The following KHDRBS2 variants were observed in gnomAD, a reference collection of about 807,000 sequenced individuals.
KHDRBS2 encodes the protein KH RNA binding domain containing, signal transduction associated 2.
In KHDRBS2, 26 loss-of-function variants were observed where a neutral mutation model predicts 44.3. The observed-to-expected ratio is 0.59, with a 90% CI of 0.43 to 0.81. The LOEUF (loss-of-function observed/expected upper bound fraction) is 0.81, where lower values mean the gene tolerates loss of function less well. Ranked by LOEUF, KHDRBS2 falls within the 40% of genes least tolerant of loss-of-function variation. The pLI, the probability that KHDRBS2 is intolerant of heterozygous loss-of-function variation, is 0.00. For missense variants in KHDRBS2, 476 were observed against 433.1 expected (o/e 1.10, Z -0.88); for synonymous variants, 194 against 151.1 (o/e 1.28, Z -2.08).
chr6:62,192,715 A>G (rs1188704040), intron 1 of KHDRBS2, among the ~76,000 whole-genome samples: 1 of 152,162 alleles, frequency 6.6e-6, no homozygotes, highest in African/African-American at 2.4e-5. Flanking sequence ...CCTGCTTCAC[A>G]TACATCTTGC....
chr6:61,909,049 G>A lies in KHDRBS2; in HGVS notation c.484-7678C>T, dbSNP rs549613716. Among the ~76,000 whole-genome samples the A allele has an allele frequency of 3.9e-5, 6 of 151,974 alleles. No individual in the cohort carries two copies. The South Asian group carries it at 1.2e-3, about 32-fold the overall frequency. ...TAAAGAATCTACTGGGGCTTAAATA[G>A]CACATGCGTATCATATATAGATTTT... On this transcript the variant is annotated intron_variant, in intron 4 of 8. Transcript: ENST00000281156.
At chr6:62,233,153 G>A (rs1833156456) in intron 1 of KHDRBS2, among the ~76,000 whole-genome samples, 1 of 152,156 alleles carries the variant, frequency 6.6e-6, no homozygotes, top group Admixed American at 6.6e-5. Flanking sequence ...GAACTACAGA[G>A]CTGTGTGAAG....
intron 3 of KHDRBS2, among the ~76,000 whole-genome samples, chr6:61,989,658 T>C (rs1775751617): frequency 1.3e-5 from 2 of 152,196 alleles, no homozygotes; most frequent in African/African-American, 4.8e-5. Context: ...CTAATAAAAG[T>C]GTTCACTTTC....
chr6:61,849,448 G>C (rs1010700329), intron 6 of KHDRBS2, among the ~76,000 whole-genome samples: 2 of 151,842 alleles, frequency 1.3e-5, no homozygotes, highest in African/African-American at 2.4e-5. Flanking sequence ...ATGCTATTTT[G>C]AAACATCTAC....
the KHDRBS2 span, among the ~76,000 whole-genome samples, chr6:61,557,421 G>A: frequency 6.6e-6 from 1 of 152,122 alleles, no homozygotes; most frequent in Admixed American, 6.5e-5. Flanking sequence ...TCAGACAGAA[G>A]GCTGTAAAAC....
chr6:61,838,244 T>C (rs2127268981), intron 6 of KHDRBS2, among the ~76,000 whole-genome samples: 1 of 152,156 alleles, frequency 6.6e-6, no homozygotes, highest in South Asian at 2.1e-4. Context: ...AAAGCTTGTG[T>C]TGTTAAACAT....
At chr6:62,083,173 A>C (rs1797735725) in intron 2 of KHDRBS2, among the ~76,000 whole-genome samples, 2 of 115,120 alleles carry the variant, frequency 1.7e-5, no homozygotes, top group African/African-American at 2.9e-5. Flanking sequence ...CTTCACTGGG[A>C]GAGGGCAGAG....
At chr6:61,751,365 G>T (rs1777666073) in intron 6 of KHDRBS2, among the ~76,000 whole-genome samples, 1 of 152,086 alleles carries the variant, frequency 6.6e-6, no homozygotes, top group Non-Finnish European at 1.5e-5. Flanking sequence ...CTGGCAAAGG[G>T]GTTCATCCGT....
intron 4 of KHDRBS2, among the ~76,000 whole-genome samples, chr6:61,911,282 G>A (rs763952574): frequency 5.2e-4 from 79 of 152,178 alleles, no homozygotes; most frequent in Middle Eastern, 3.4e-3. Flanking sequence ...TAAATAAATC[G>A]TCCTTTTATG....
At chr6:62,248,516 G>A (rs910410333) in intron 1 of KHDRBS2, among the ~76,000 whole-genome samples, 2 of 151,676 alleles carry the variant, frequency 1.3e-5, no homozygotes, top group African/African-American at 4.8e-5. Flanking sequence ...GCACCACCAC[G>A]TCCAGCTAAT....
chr6:62,063,309 G>A (rs1204482058), intron 2 of KHDRBS2, among the ~76,000 whole-genome samples: 11 of 150,378 alleles, frequency 7.3e-5, no homozygotes, highest in East Asian at 4.0e-4. Context: ...TACCAAAGCC[G>A]GGCAGAGACA....
chr6:61,546,550 C>A, the KHDRBS2 span, among the ~76,000 whole-genome samples: 1 of 152,018 alleles, frequency 6.6e-6, no homozygotes, highest in African/African-American at 2.4e-5. Flanking sequence ...TCTTCAATTT[C>A]TAAAGACACC....
intron 1 of KHDRBS2, among the ~76,000 whole-genome samples, chr6:62,252,897 C>T (rs935387230): frequency 5.9e-5 from 9 of 151,862 alleles, no homozygotes; most frequent in African/African-American, 2.2e-4. Context: ...GTAAAACCCA[C>T]AAAATAGAAA....
At chr6:61,999,238 C>T (rs138039026) in intron 3 of KHDRBS2, among the ~76,000 whole-genome samples, 5 of 152,162 alleles carry the variant, frequency 3.3e-5, no homozygotes, top group Admixed American at 6.5e-5. Context: ...AAAGCATCCT[C>T]GAGTGATTTT....
In KHDRBS2 at chr6:61,899,204, T is replaced by C. The variant is rs185145158; in HGVS notation, c.611+2040A>G. 2.4e-3 allele frequency among the ~76,000 whole-genome samples: 363 copies of C among 152,062 alleles called. 3 individuals carry two copies. The highest frequency in any genetic ancestry group is 8.4e-3 in the African/African-American group (350 of 41,580). ...TAAGAGTATTTCTACAATGTAATAA[T>C]GTTCCTATTTACATATTCCATACTT... On this transcript the variant is annotated intron_variant, in intron 5 of 8. Coordinates refer to ENST00000281156, the MANE Select transcript of KHDRBS2 (RefSeq NM_152688.4).
chr6:62,221,883 CCTAAA>C (rs1186237251), intron 1 of KHDRBS2, among the ~76,000 whole-genome samples: 3 of 151,896 alleles, frequency 2.0e-5, no homozygotes. Context: ...AAAAACTGAC[CCTAAA>C]CTAAAAACTA....
chr6:61,684,998 G>T (rs1225966995), intron 8 of KHDRBS2, among the ~76,000 whole-genome samples: 2 of 151,452 alleles, frequency 1.3e-5, no homozygotes, highest in African/African-American at 4.8e-5. Context: ...ACTATGTCCT[G>T]CATATAAGGA....
In KHDRBS2 at chr6:62,044,418, C is replaced by A. The variant is rs1024262183; in HGVS notation, c.336+3460G>T. Among the ~76,000 whole-genome samples, 39 of 151,288 alleles carry A rather than the reference C, an allele frequency of 2.6e-4. 1 individual carries two copies. The highest frequency in any genetic ancestry group is 2.9e-5 in the Non-Finnish European group (2 of 67,850). On this transcript the variant is annotated intron_variant, in intron 3 of 8. Transcript: ENST00000281156. The stretch of plus-strand genomic sequence containing the variant: ...TCGAGCCCTGAGCCCAACGGTGGGT[C>A]AAAGCTGCAGTGAGCTGTGATTGCA...
chr6:62,041,844 G>T (rs1217624703), intron 3 of KHDRBS2, among the ~76,000 whole-genome samples: 1 of 151,954 alleles, frequency 6.6e-6, no homozygotes, highest in Non-Finnish European at 1.5e-5. Context: ...TCCTGTTATT[G>T]AAGCTTATGA....
Sources: gnomAD v4.1 joint callset for allele counts (sites outside exome capture counted in the v4.1 genomes callset) on GRCh38, gnomAD v4.1.1 for gene constraint, MANE v1.5 for transcripts, NCBI Gene and HGNC (gene_info 2026-07-23, HGNC 2026-07-21) for gene names.